C12orf42: variants seen among roughly 807,000 people sequenced by gnomAD.
C12orf42 encodes the protein uncharacterized protein C12orf42.
C12orf42 carries 25 observed loss-of-function variants against 21.6 expected under a neutral mutation model. That is an observed-to-expected ratio of 1.16 (90% CI 0.84 to 1.62). C12orf42 has a LOEUF of 1.62. C12orf42 is among the 40% of genes most tolerant of loss of function. The pLI is 0.00. For missense variants in C12orf42, 483 were observed against 459.3 expected (o/e 1.05, Z -0.47); for synonymous variants, 174 against 175.0 (o/e 0.99, Z 0.05).
intron 1 of C12orf42, among the ~76,000 whole-genome samples, chr12:103,487,449 G>T (rs1954910948): frequency 6.6e-6 from 1 of 152,216 alleles, no homozygotes; most frequent in South Asian, 2.1e-4. Context: ...GGGGTGGAGA[G>T]TTCTGTAGAT....
At chr12:103,375,777 A>ATCTC (rs2045641013) in intron 3 of C12orf42, among the ~76,000 whole-genome samples, 1 of 152,168 alleles carries the variant, frequency 6.6e-6, no homozygotes, top group Non-Finnish European at 1.5e-5. Context: ...GGCTCCACAA[A>ATCTC]TTATGTAGCT....
the C12orf42 span, among the ~76,000 whole-genome samples, chr12:103,205,897 T>C: frequency 1.3e-5 from 2 of 152,140 alleles, no homozygotes; most frequent in South Asian, 4.2e-4. Flanking sequence ...TATGTAAGCG[T>C]TCAAATTAAA....
the C12orf42 span, among the ~76,000 whole-genome samples, chr12:103,186,934 C>T: frequency 6.6e-6 from 1 of 152,194 alleles, no homozygotes; most frequent in Non-Finnish European, 1.5e-5. Flanking sequence ...ATGGTACTCA[C>T]TACTTCTCTC....
chr12:103,461,411 A>T (rs1442879854), intron 2 of C12orf42, among the ~76,000 whole-genome samples: 4 of 152,192 alleles, frequency 2.6e-5, no homozygotes, highest in African/African-American at 9.7e-5. Flanking sequence ...AGGAAATGTT[A>T]GATCTGCTAA....
the C12orf42 span, among the ~76,000 whole-genome samples, chr12:103,088,699 G>A: frequency 1.3e-5 from 2 of 152,308 alleles, no homozygotes; most frequent in South Asian, 2.1e-4. Context: ...CTAAGGCTAG[G>A]TCATAAAATG....
intron 4 of C12orf42, among the ~76,000 whole-genome samples, chr12:103,321,961 C>A (rs1271443710): frequency 6.6e-6 from 1 of 151,880 alleles, no homozygotes; most frequent in Non-Finnish European, 1.5e-5. Context: ...CACATGTATA[C>A]ATATGTAACT....
intron 3 of C12orf42, among the ~76,000 whole-genome samples, chr12:103,372,737 G>C (rs2045365045): frequency 6.6e-6 from 1 of 152,128 alleles, no homozygotes; most frequent in Non-Finnish European, 1.5e-5. Context: ...GTATGACAAA[G>C]TAGGAAAACT....
Position 103,449,216 on chromosome 12 carries a change from T to C in C12orf42, c.78+29133A>G, listed in dbSNP as rs192075191. Among the ~76,000 whole-genome samples the C allele has an allele frequency of 2.4e-4, 37 of 152,166 alleles. 1 individual carries two copies. Among genetic ancestry groups the C allele is most frequent in the African/African-American group, 8.7e-4 (36 of 41,516 alleles). ...ACCTGGATGGAATCAGAGACTATTATTCTAAGTGAAGTAACTCAGGAATGG... is the reference window on the plus strand; with the variant it reads ...ACCTGGATGGAATCAGAGACTATTACTCTAAGTGAAGTAACTCAGGAATGG... On this transcript the variant is annotated intron_variant, in intron 2 of 5. Coordinates refer to ENST00000548883, the MANE Select transcript of C12orf42 (RefSeq NM_198521.5).
chr12:103,243,127 G>A (rs2033834753), intron 10 of C12orf42, among the ~76,000 whole-genome samples: 1 of 152,042 alleles, frequency 6.6e-6, no homozygotes, highest in Non-Finnish European at 1.5e-5. Flanking sequence ...GGACTCAAGT[G>A]ATTCTTCTAC....
chr12:103,084,254 T>C, the C12orf42 span, among the ~76,000 whole-genome samples: 2 of 152,238 alleles, frequency 1.3e-5, no homozygotes, highest in Non-Finnish European at 2.9e-5. Flanking sequence ...CACATGCCAA[T>C]ATTCTAGCAG....
At chr12:103,138,796 CCCTCTGG>C in the C12orf42 span, among the ~76,000 whole-genome samples, 1 of 152,176 alleles carries the variant, frequency 6.6e-6, no homozygotes, top group Non-Finnish European at 1.5e-5. Context: ...GCCTTGCTCA[CCCTCTGG>C]CCTCTCTCTT....
chr12:103,434,399 C>A (rs970385909), intron 2 of C12orf42, among the ~76,000 whole-genome samples: 6 of 152,166 alleles, frequency 3.9e-5, no homozygotes, highest in Admixed American at 3.9e-4. Context: ...GGGGAGGAGC[C>A]AAGATGGCCG....
chr12:103,283,596 G>GCGCTCACA (rs1199805441), intron 4 of C12orf42, among the ~76,000 whole-genome samples: 5 of 152,158 alleles, frequency 3.3e-5, no homozygotes, highest in African/African-American at 1.2e-4. Context: ...CCTCTCCAGA[G>GCGCTCACA]TCTTGGACCA....
At chr12:103,428,522 C>A (rs1266596094) in intron 2 of C12orf42, among the ~76,000 whole-genome samples, 2 of 152,102 alleles carry the variant, frequency 1.3e-5, no homozygotes, top group Non-Finnish European at 2.9e-5. Flanking sequence ...GGATTCACAG[C>A]CTTATTCTAC....
intron 4 of C12orf42, among the ~76,000 whole-genome samples, chr12:103,281,653 G>A (rs1029948560): frequency 6.6e-6 from 1 of 152,072 alleles, no homozygotes; most frequent in African/African-American, 2.4e-5. Context: ...ACCGTGCCTG[G>A]TCTTTTAATA....
chr12:103,468,999 G>T (rs1219034283), intron 2 of C12orf42, among the ~76,000 whole-genome samples: 2 of 152,214 alleles, frequency 1.3e-5, no homozygotes, highest in African/African-American at 4.8e-5. Flanking sequence ...TGCAGGCCTT[G>T]GGCGGCCTAG....
At chr12:103,120,009 G>A in the C12orf42 span, among the ~76,000 whole-genome samples, 1 of 152,202 alleles carries the variant, frequency 6.6e-6, no homozygotes, top group African/African-American at 2.4e-5. Flanking sequence ...CAGCACTGGA[G>A]GCTGGGGAAA....
the C12orf42 span, among the ~76,000 whole-genome samples, chr12:103,223,709 A>T: frequency 6.6e-6 from 1 of 152,186 alleles, no homozygotes; most frequent in Middle Eastern, 3.2e-3. Flanking sequence ...TTTGGGGCAC[A>T]GTCTAAGTTG....
intron 4 of C12orf42, among the ~76,000 whole-genome samples, chr12:103,281,012 T>C (rs1273697874): frequency 6.6e-6 from 1 of 152,248 alleles, no homozygotes; most frequent in Non-Finnish European, 1.5e-5. Context: ...GAAGACTTCC[T>C]GGAAGAAGTG....
Sources: allele counts gnomAD v4.1 joint callset (sites outside exome capture counted in the v4.1 genomes callset), GRCh38; gene constraint gnomAD v4.1.1; transcripts MANE v1.5; gene names NCBI Gene and HGNC (gene_info 2026-07-23, HGNC 2026-07-21).